The following FBXO33 variants were observed in gnomAD, a reference collection of about 807,000 sequenced individuals.
The protein encoded by FBXO33 is F-box protein 33, also known as F-box only protein 33.
FBXO33 carries 22 observed loss-of-function variants against 46.3 expected under a neutral mutation model. The observed-to-expected ratio is 0.48, with a 90% CI of 0.34 to 0.68. FBXO33 has a LOEUF of 0.68. Ranked by LOEUF, FBXO33 falls within the 30% of genes least tolerant of loss-of-function variation. FBXO33 has a pLI of 0.01. For missense variants in FBXO33, 692 were observed against 708.8 expected (o/e 0.98, Z 0.27); for synonymous variants, 337 against 291.3 (o/e 1.16, Z -1.60).
rs780767686 is a variant in FBXO33, at chr14:39,401,641, G to T, written c.931C>A (p.Leu311Ile). The T allele has an allele frequency of 6.2e-7, 1 of 1,614,180 alleles. No homozygotes were observed. The highest frequency in any genetic ancestry group is 1.7e-5 in the Admixed American group (1 of 60,028). ...GTAAAGTCACAAAAATCCAAGGCAA[G>T]TGAGTGCAGATTCACAAATCGCTCC... ...ELERFVNLHS[L>I]ALDFCDFTAE... Residue 311 changes from leucine to isoleucine, a missense_variant, in exon 3 of 4, where the codon CTT becomes ATT. By Grantham distance (5) the Leu-to-Ile change is conservative (BLOSUM62 2). Around this residue, in one of 3 missense-constraint regions of FBXO33, gnomAD observed 186 missense variants for 246.1 expected, o/e 0.76. Transcript: ENST00000298097.
intron 1 of FBXO33, among the ~76,000 whole-genome samples, chr14:39,429,955 G>T (rs1025065289): frequency 1.3e-5 from 2 of 152,174 alleles, no homozygotes; most frequent in Non-Finnish European, 2.9e-5. Context: ...TACTTAAAAG[G>T]AACTAGACAC....
At chr14:39,405,919 C>T (rs913416311) in intron 1 of FBXO33, among the ~76,000 whole-genome samples, 2 of 95,864 alleles carry the variant, frequency 2.1e-5, no homozygotes, top group African/African-American at 5.6e-5. Flanking sequence ...ATCAACTTGA[C>T]ATGTGATTCT....
intron 1 of FBXO33, among the ~76,000 whole-genome samples, chr14:39,430,493 AAAC>A (rs1183400018): frequency 6.6e-6 from 1 of 152,190 alleles, no homozygotes; most frequent in Non-Finnish European, 1.5e-5. Flanking sequence ...TTTCGGAGAA[AAAC>A]AATGCCGTAC....
intron 1 of FBXO33, among the ~76,000 whole-genome samples, chr14:39,413,546 A>G (rs1375250313): frequency 6.6e-6 from 1 of 152,226 alleles, no homozygotes; most frequent in African/African-American, 2.4e-5. Flanking sequence ...AATCGTTTTT[A>G]TAAGGTTTTC....
At position 39,401,750 on chromosome 14, in the gene FBXO33, A is replaced by G. The variant is rs1312612204; in HGVS notation, c.822T>C (p.Asn274=). 1 of 1,614,230 alleles carries G rather than the reference A, an allele frequency of 6.2e-7. No individual in the cohort carries two copies. The highest frequency in any genetic ancestry group is 1.3e-5 in the African/African-American group (1 of 75,058). ...GGTGCTCCATGGTGTTGGCAACAGC[A>G]TTAGAGAGAGATGACAGTGATGTTG... ...VTPTSLSSLS[N]AVANTMEHLS... The change falls in exon 3 of 4, where the codon AAT becomes AAC. Residue 274 remains asparagine, a synonymous_variant. Transcript: ENST00000298097.
intron 1 of FBXO33, among the ~76,000 whole-genome samples, chr14:39,426,275 C>T (rs1186828667): frequency 1.3e-5 from 2 of 151,566 alleles, no homozygotes; most frequent in African/African-American, 4.9e-5. Context: ...GTCTTACTAC[C>T]CACATCTAAC....
At chr14:39,402,141 T>C (rs1394364056) in intron 2 of FBXO33, among the ~76,000 whole-genome samples, 3 of 152,286 alleles carry the variant, frequency 2.0e-5, no homozygotes, top group Non-Finnish European at 1.5e-5. Flanking sequence ...TAGGATAACA[T>C]ACAATTTATG....
At chr14:39,408,938 G>A (rs146850339) in intron 1 of FBXO33, among the ~76,000 whole-genome samples, 12 of 151,816 alleles carry the variant, frequency 7.9e-5, no homozygotes, top group Middle Eastern at 3.4e-3. Context: ...ACCACACCCA[G>A]CTACTTTTTG....
At chr14:39,421,086 T>C (rs1027985973) in intron 1 of FBXO33, among the ~76,000 whole-genome samples, 1 of 152,206 alleles carries the variant, frequency 6.6e-6, no homozygotes, top group Admixed American at 6.5e-5. Flanking sequence ...GGTCTATGTG[T>C]AGATTCTAAT....
Position 39,401,742 on chromosome 14 carries a change from G to C in FBXO33, c.830C>G (p.Ala277Gly). 1 of 1,614,132 alleles carries C rather than the reference G, an allele frequency of 6.2e-7. No individual in the cohort carries two copies. Among genetic ancestry groups the C allele is most frequent in the East Asian group, 2.2e-5 (1 of 44,886 alleles). ...TSLSSLSNAV[A>G]NTMEHLSLLD... ...TAAACTGAGGTGCTCCATGGTGTTG[G>C]CAACAGCATTAGAGAGAGATGACAG... Residue 277 changes from alanine to glycine, a missense_variant, in exon 3 of 4, where the codon GCC becomes GGC. Physicochemically the swap from Ala to Gly is moderately conservative, Grantham distance 60. Around this residue, in one of 3 missense-constraint regions of FBXO33, gnomAD observed 412 missense variants for 370.8 expected, o/e 1.11. Transcript: ENST00000298097.
chr14:39,406,405 C>T (rs528408284), intron 1 of FBXO33, among the ~76,000 whole-genome samples: 1 of 152,254 alleles, frequency 6.6e-6, no homozygotes, highest in South Asian at 2.1e-4. Context: ...ACACTAAGGA[C>T]AACGGCCTTC....
intron 1 of FBXO33, among the ~76,000 whole-genome samples, chr14:39,417,625 G>A (rs981805050): frequency 3.3e-5 from 5 of 152,032 alleles, no homozygotes; most frequent in Non-Finnish European, 7.4e-5. Context: ...CCACCTCCTG[G>A]GTTCAAGCAA....
At position 39,415,431 on chromosome 14, in the gene FBXO33, AC is replaced by A. The variant is rs1174515741; in HGVS notation, c.600-12921del. Among the ~76,000 whole-genome samples the A allele has an allele frequency of 3.3e-5, 5 of 152,342 alleles. No individual in the cohort carries two copies. In the East Asian group the frequency reaches 9.6e-4, roughly 29 times the overall value. The stretch of plus-strand genomic sequence containing the variant: ...GCCACAAACTTAATTTGTAAAAAAA[AC>A]ATAATATCTGTGAAGTGCAATAAAA... On this transcript the variant is annotated intron_variant, in intron 1 of 3. Transcript: ENST00000298097.
At position 39,407,987 on chromosome 14, in the gene FBXO33, G is replaced by A. The variant is rs147763908; in HGVS notation, c.600-5476C>T. On this transcript the variant is annotated intron_variant, in intron 1 of 3. Transcript: ENST00000298097. ...AGACGGTCTCACTCTCGTTGCCAAG[G>A]CTGGAGTGCAGGGCACCATCTAGGC... is the stretch of plus-strand genomic sequence containing the variant. Among the ~76,000 whole-genome samples the A allele has an allele frequency of 1.9e-3, 292 of 152,232 alleles. 1 individual carries two copies. Among genetic ancestry groups the A allele is most frequent in the African/African-American group, 6.4e-3 (266 of 41,546 alleles).
rs148776291 is a variant in FBXO33 at position 39,399,710 on chromosome 14, C to T, written c.1474G>A (p.Glu492Lys). The change falls in exon 4 of 4, where the codon GAA (glutamate) becomes AAA (lysine). Residue 492 changes from glutamate (E) to lysine (K), a missense_variant. By Grantham distance (56) the Glu-to-Lys change is moderately conservative (BLOSUM62 1). This residue lies in a region of FBXO33 where 94 missense variants were observed against 91.9 expected (regional missense o/e 1.02). Transcript: ENST00000298097. ...CCTTGGTCAAAATCAATGCTTTCTT[C>T]GGTGACTTCAAGCACTTTCAGATCA... ...GSDLKVLEVT[E>K]ESIDFDQGEL... 20 of 1,613,978 alleles carry T rather than the reference C, an allele frequency of 1.2e-5. No homozygotes were observed. Among genetic ancestry groups the T allele is most frequent in the South Asian group, 5.5e-5 (5 of 91,042 alleles).
intron 1 of FBXO33, among the ~76,000 whole-genome samples, chr14:39,414,321 G>A (rs2075437627): frequency 6.6e-6 from 1 of 152,216 alleles, no homozygotes; most frequent in Non-Finnish European, 1.5e-5. Context: ...GAGCATTAGA[G>A]CCTTGCTCTG....
chr14:39,418,538 G>A (rs2075461364), intron 1 of FBXO33, among the ~76,000 whole-genome samples: 2 of 151,028 alleles, frequency 1.3e-5, no homozygotes, highest in South Asian at 4.2e-4. Flanking sequence ...CACTTTGGGA[G>A]GCTGAGGCAG....
intron 1 of FBXO33, among the ~76,000 whole-genome samples, chr14:39,423,388 T>C (rs1276485178): frequency 6.6e-6 from 1 of 152,196 alleles, no homozygotes; most frequent in Non-Finnish European, 1.5e-5. Context: ...GCTGAGCATA[T>C]GTATACGGTA....
rs980132796 is a variant in FBXO33, at chr14:39,401,735, G to A, written c.837C>T (p.Thr279=). Residue 279 remains threonine (T), a synonymous_variant, in exon 3 of 4, where the codon ACC becomes ACT. Coordinates refer to ENST00000298097, the MANE Select transcript of FBXO33 (RefSeq NM_203301.4). ...LSSLSNAVAN[T]MEHLSLLDNN... is the part of the protein sequence containing the mutation. ...TGTCCAGTAAACTGAGGTGCTCCAT[G>A]GTGTTGGCAACAGCATTAGAGAGAG... 4.3e-6 allele frequency: 7 copies of A among 1,614,082 alleles called. No homozygotes were observed. In the African/African-American group the frequency reaches 5.3e-5, roughly 12 times the overall value.
Sources: allele counts gnomAD v4.1 joint callset (sites outside exome capture counted in the v4.1 genomes callset), GRCh38; gene constraint gnomAD v4.1.1; regional missense constraint gnomAD v4.1.1; transcripts MANE v1.5; gene names NCBI Gene and HGNC (gene_info 2026-07-23, HGNC 2026-07-21).